Variants in TTLL11 observed in about 807,000 individuals in gnomAD.
TTLL11 encodes the protein tubulin tyrosine ligase like 11, also known as tubulin polyglutamylase TTLL11.
TTLL11 carries 42 observed loss-of-function variants against 51.7 expected under a neutral mutation model. The observed-to-expected ratio is 0.81, with a 90% CI of 0.64 to 1.05. The LOEUF is 1.05. TTLL11 is among the 50% of genes least tolerant of loss of function. TTLL11 has a pLI of 0.00. For synonymous variants in TTLL11, 381 were observed against 383.5 expected (o/e 0.99, Z 0.08); for missense variants, 799 against 940.4 (o/e 0.85, Z 1.97).
intron 6 of TTLL11, among the ~76,000 whole-genome samples, chr9:121,871,829 A>T (rs1838369135): frequency 6.6e-6 from 1 of 151,710 alleles, no homozygotes; most frequent in African/African-American, 2.4e-5. Flanking sequence ...CTGCCCTGGA[A>T]CCGGAGACTC....
At position 121,902,688 on chromosome 9, in the gene TTLL11, C is replaced by T. The variant is rs185131053; in HGVS notation, c.1482-31940G>A. ...GAGTTTGAGTAAGTCATCAGCAAGC[C>T]CTCCATTTATGTGTTTTTAGTGGAG... On this transcript the variant is annotated intron_variant, in intron 6 of 8. Coordinates refer to ENST00000321582, the MANE Select transcript of TTLL11 (RefSeq NM_001139442.2). 5.9e-5 allele frequency among the ~76,000 whole-genome samples: 9 copies of T among 152,040 alleles called. No homozygotes were observed. In the East Asian group the frequency reaches 1.4e-3, roughly 23 times the overall value.
In TTLL11 at chr9:121,820,726, C is replaced by T. The variant is rs1039098145; in HGVS notation, c.*1861G>A. Among the ~76,000 whole-genome samples, 8 of 151,966 alleles carry T rather than the reference C, an allele frequency of 5.3e-5. No individual in the cohort carries two copies. Among genetic ancestry groups the T allele is most frequent in the Non-Finnish European group, 1.0e-4 (7 of 67,994 alleles). On this transcript the variant is annotated 3_prime_UTR_variant, in exon 9 of 9. Coordinates refer to ENST00000321582, the MANE Select transcript of TTLL11 (RefSeq NM_001139442.2). ...GGGAACTGAGCCGATGACACCTCCA[C>T]AGTGCCCCATGTAGAGAACACTCGA...
At chr9:121,826,217 T>TACACACACACAC (rs1491163835) in intron 8 of TTLL11, among the ~76,000 whole-genome samples, 1 of 58,102 alleles carries the variant, frequency 1.7e-5, no homozygotes, top group African/African-American at 7.4e-5. Flanking sequence ...TATATATATA[T>TACACACACACAC]GCACACATAT....
chr9:121,990,311 G>A (rs147608918), intron 3 of TTLL11, among the ~76,000 whole-genome samples: 86 of 151,920 alleles, frequency 5.7e-4, no homozygotes, highest in Middle Eastern at 3.4e-3. Context: ...TGCAGCCTTG[G>A]ACAAGTGACT....
At position 121,853,362 on chromosome 9, in the gene TTLL11, G is replaced by A. The variant is rs1564273503; in HGVS notation, c.1840+6975C>T. Among the ~76,000 whole-genome samples the A allele has an allele frequency of 6.6e-6, 1 of 151,990 alleles. No homozygotes were observed. The highest frequency in any genetic ancestry group is 2.1e-4 in the South Asian group (1 of 4,818). On this transcript the variant is annotated intron_variant, in intron 8 of 8. Coordinates refer to ENST00000321582, the MANE Select transcript of TTLL11 (RefSeq NM_001139442.2). This position sits in a 1 kb window ranked among gnomAD's most constrained non-coding sequence, Gnocchi z 5.6. ...GGTCAAGGGCAGCGCTGGGTGCTGC[G>A]GAGCAGGTGAGACGGTACTGGGCCC...
intron 3 of TTLL11, among the ~76,000 whole-genome samples, chr9:122,007,191 C>T (rs1843680999): frequency 6.6e-6 from 1 of 151,810 alleles, no homozygotes; most frequent in African/African-American, 2.4e-5. Flanking sequence ...ACACCTGGCA[C>T]TCATGAAAAG....
chr9:121,928,133 G>A (rs1326963147), intron 6 of TTLL11, among the ~76,000 whole-genome samples: 2 of 152,126 alleles, frequency 1.3e-5, no homozygotes, highest in Non-Finnish European at 2.9e-5. Context: ...GCTACGGGAC[G>A]CATGGCCATG....
chr9:121,895,921 G>A (rs796703677), intron 6 of TTLL11, among the ~76,000 whole-genome samples: 4 of 2,896 alleles, frequency 1.4e-3, no homozygotes, highest in African/African-American at 3.2e-3. Flanking sequence ...TGGATGTGTG[G>A]GTGTGTCTGT....
intron 3 of TTLL11, among the ~76,000 whole-genome samples, chr9:121,997,978 C>T (rs1843330547): frequency 6.6e-6 from 1 of 152,220 alleles, no homozygotes; most frequent in African/African-American, 2.4e-5. Flanking sequence ...TCATTCTCCT[C>T]CCCCAGGTCT....
At chr9:122,032,504 A>C (rs1844582531) in intron 2 of TTLL11, among the ~76,000 whole-genome samples, 1 of 152,082 alleles carries the variant, frequency 6.6e-6, no homozygotes, top group African/African-American at 2.4e-5. Flanking sequence ...TATCTCATTA[A>C]TTTGCCCAGA....
intron 3 of TTLL11, among the ~76,000 whole-genome samples, chr9:121,992,306 C>T (rs1047369872): frequency 6.6e-6 from 1 of 152,256 alleles, no homozygotes; most frequent in Non-Finnish European, 1.5e-5. Context: ...CATATTCACT[C>T]TCCTCTGAGG....
At chr9:121,990,823 G>T (rs1207037527) in intron 3 of TTLL11, among the ~76,000 whole-genome samples, 1 of 152,164 alleles carries the variant, frequency 6.6e-6, no homozygotes, top group African/African-American at 2.4e-5. Context: ...CTCCAGGTCA[G>T]CAGAACACTC....
chr9:121,850,427 G>A (rs80115295), intron 8 of TTLL11, among the ~76,000 whole-genome samples: 4,380 of 152,200 alleles, frequency 0.029, 108 homozygotes, highest in African/African-American at 0.064. Context: ...CTGGAGGGGT[G>A]GGGGTGAGGG....
chr9:121,868,226 A>G (rs756658803), intron 7 of TTLL11, among the ~76,000 whole-genome samples: 4 of 152,262 alleles, frequency 2.6e-5, no homozygotes, highest in Admixed American at 6.5e-5. Flanking sequence ...ACGGTGCCCT[A>G]AGTGCCCTCA....
At chr9:121,986,798 G>A (rs903386390) in intron 4 of TTLL11, among the ~76,000 whole-genome samples, 1 of 151,938 alleles carries the variant, frequency 6.6e-6, no homozygotes, top group Non-Finnish European at 1.5e-5. Flanking sequence ...CCATCCACTA[G>A]AGACACTGCC....
intron 7 of TTLL11, among the ~76,000 whole-genome samples, chr9:121,867,122 G>A (rs1838203292): frequency 6.6e-6 from 1 of 152,132 alleles, no homozygotes; most frequent in Non-Finnish European, 1.5e-5. Context: ...AAGAGTCATA[G>A]CAGTCCTCTT....
intron 6 of TTLL11, among the ~76,000 whole-genome samples, chr9:121,960,180 C>G (rs549848112): frequency 2.0e-5 from 3 of 152,156 alleles, no homozygotes; most frequent in African/African-American, 7.2e-5. Context: ...TTTAGTTTTG[C>G]CTGTTCTGAA....
Position 122,093,179 on chromosome 9 carries a change from C to T in TTLL11, c.-31G>A. The T allele has an allele frequency of 6.7e-7, 1 of 1,491,974 alleles. No individual in the cohort carries two copies. The highest frequency in any genetic ancestry group is 8.9e-7 in the Non-Finnish European group (1 of 1,129,622). 92.4% of individuals were successfully genotyped at this position (1,491,974 alleles called of 1,614,324 possible). The stretch of plus-strand genomic sequence containing the variant: ...TCAGGGCCGGGGCCAGTGCCAGTGC[C>T]ACCGCCGCCGCCGCCGCCGCTCCGC... On this transcript the variant is annotated 5_prime_UTR_variant, in exon 1 of 9. It introduces an in-frame stop codon into an upstream open reading frame of the 5' UTR. Coordinates refer to ENST00000321582, the MANE Select transcript of TTLL11 (RefSeq NM_001139442.2).
At chr9:122,092,581 G>A in intron 1 of TTLL11, 106 bp downstream of exon 1, 1 of 1,474,162 alleles carries the variant, frequency 6.8e-7, no homozygotes. Flanking sequence ...GTGCACCGCA[G>A]GAGCTCAGCC....
Sources: allele counts gnomAD v4.1 joint callset (sites outside exome capture counted in the v4.1 genomes callset), GRCh38; gene constraint gnomAD v4.1.1; non-coding constraint Gnocchi (gnomAD v3.1); transcripts MANE v1.5; gene names NCBI Gene and HGNC (gene_info 2026-07-23, HGNC 2026-07-21).